GNAO1: variants seen among roughly 807,000 people sequenced by gnomAD.
GNAO1 encodes the protein G protein subunit alpha o1.
For synonymous variants in GNAO1, 164 were observed against 180.7 expected (o/e 0.91, Z 0.74); for missense variants, 166 against 478.7 (o/e 0.35, Z 6.10).
rs543351799 is a variant in GNAO1 at position 56,225,221 on chromosome 16, T to A, written c.161+32605T>A. Among the ~76,000 whole-genome samples, 3 of 152,354 alleles carry A rather than the reference T, an allele frequency of 2.0e-5. No individual in the cohort carries two copies. The East Asian group carries it at 5.8e-4, about 29-fold the overall frequency. ...CGTTGTCTGTTTGTTTGAGGAGGAT[T>A]GAGCAAAATCTGGATTGGTTTTCCT... On this transcript the variant is annotated intron_variant, in intron 2 of 8. Transcript: ENST00000262493.
At chr16:56,304,104 T>A (rs1389293940) in intron 3 of GNAO1, among the ~76,000 whole-genome samples, 1 of 152,186 alleles carries the variant, frequency 6.6e-6, no homozygotes, top group Non-Finnish European at 1.5e-5. Context: ...AGAGGGCGCC[T>A]GGTATAGGAG....
At chr16:56,312,201 G>A (rs527609425) in intron 3 of GNAO1, among the ~76,000 whole-genome samples, 7 of 152,342 alleles carry the variant, frequency 4.6e-5, no homozygotes, top group Non-Finnish European at 8.8e-5. Context: ...TGTGGGCTCC[G>A]GAGTCAGGCG....
intron 2 of GNAO1, among the ~76,000 whole-genome samples, chr16:56,236,870 T>G (rs1310062463): frequency 6.6e-6 from 1 of 152,222 alleles, no homozygotes; most frequent in Non-Finnish European, 1.5e-5. Context: ...TTAGAAGTGC[T>G]TTAGCCAAGG....
In GNAO1 at chr16:56,354,927, C is replaced by T. The variant is rs2037954101; in HGVS notation, c.939C>T (p.Arg313=). ...YIQAQFESKN[R]SPNKEIYCHM... ...AAGCACAATTTGAAAGCAAAAACCG[C>T]TCACCCAACAAAGAAATATATTGTC... Residue 313 remains arginine, a synonymous_variant, in exon 8 of 9, where the codon CGC becomes CGT. Transcript: ENST00000262493. This position sits in a 1 kb window ranked among gnomAD's most constrained non-coding sequence, Gnocchi z 4.3. 9.3e-6 allele frequency: 15 copies of T among 1,613,292 alleles called. No individual in the cohort carries two copies. Among genetic ancestry groups the T allele is most frequent in the South Asian group, 1.1e-5 (1 of 91,090 alleles).
intron 3 of GNAO1, chr16:56,302,876 G>T (rs1283259416): frequency 6.6e-6 from 1 of 152,222 alleles, no homozygotes; most frequent in African/African-American, 2.4e-5. Context: ...ATTAAAAACA[G>T]CTGCTTTATA....
At chr16:56,253,068 C>A (rs2036814483) in intron 2 of GNAO1, among the ~76,000 whole-genome samples, 1 of 152,198 alleles carries the variant, frequency 6.6e-6, no homozygotes, top group Non-Finnish European at 1.5e-5. Context: ...GACTAGATAG[C>A]AGCAGCGGCA....
chr16:56,214,112 A>G (rs2036417838), intron 2 of GNAO1, among the ~76,000 whole-genome samples: 2 of 152,158 alleles, frequency 1.3e-5, no homozygotes, highest in Non-Finnish European at 2.9e-5. Flanking sequence ...GAAGAATTCT[A>G]GGAAGACTCA....
chr16:56,192,983 T>C, intron 2 of GNAO1: 1 of 209,440 alleles, frequency 4.8e-6, no homozygotes, highest in Non-Finnish European at 9.8e-6. Context: ...TGTCTCTGTT[T>C]CATTCTGTCT....
At chr16:56,285,952 G>A (rs1029667532) in intron 3 of GNAO1, among the ~76,000 whole-genome samples, 1 of 152,170 alleles carries the variant, frequency 6.6e-6, no homozygotes, top group African/African-American at 2.4e-5. Flanking sequence ...CAGATATACC[G>A]TGGAGTAGCC....
chr16:56,272,330 T>C (rs2037026191), intron 2 of GNAO1, among the ~76,000 whole-genome samples: 1 of 152,184 alleles, frequency 6.6e-6, no homozygotes, highest in South Asian at 2.1e-4. Context: ...AAAGGATATT[T>C]CTTGTTGTTC....
chr16:56,254,332 T>C (rs1208524802), intron 2 of GNAO1, among the ~76,000 whole-genome samples: 1 of 152,198 alleles, frequency 6.6e-6, no homozygotes, highest in Non-Finnish European at 1.5e-5. Context: ...TAATGGATGC[T>C]TCATATATTT....
rs34097380 is a variant in GNAO1 at position 56,357,056 on chromosome 16, GA to G, written c.*992del. ...AAAAATTTTTAAATACCACAAGATG[GA>G]AAAAAAAAACAAAAAAATTTAAAAA... On this transcript the variant is annotated 3_prime_UTR_variant, in exon 9 of 9. Transcript: ENST00000262493. The G allele has an allele frequency of 0.16, 23,432 of 144,224 alleles. 1,938 individuals carry two copies. The highest frequency in any genetic ancestry group is 0.25 in the East Asian group (1,234 of 4,992). 8.9% of individuals were successfully genotyped at this position (144,224 alleles called of 1,614,324 possible).
At chr16:56,253,684 C>T (rs776446860) in intron 2 of GNAO1, among the ~76,000 whole-genome samples, 3 of 152,202 alleles carry the variant, frequency 2.0e-5, no homozygotes, top group Non-Finnish European at 4.4e-5. Flanking sequence ...CAAGTTCAGT[C>T]CCTGTGGGAG....
intron 2 of GNAO1, among the ~76,000 whole-genome samples, chr16:56,256,785 C>A (rs2036854698): frequency 6.6e-6 from 1 of 150,658 alleles, no homozygotes; most frequent in Admixed American, 6.6e-5. Context: ...GATAGGCTAT[C>A]CCTATGGCTG....
Position 56,356,195 on chromosome 16 carries a change from CCT to C in GNAO1, c.*122_*123del, listed in dbSNP as rs1283794010. 2 of 152,644 alleles carry C rather than the reference CCT, an allele frequency of 1.3e-5. No homozygotes were observed. Among genetic ancestry groups the C allele is most frequent in the Non-Finnish European group, 2.9e-5 (2 of 68,058 alleles). 9.5% of individuals were successfully genotyped at this position (152,644 alleles called of 1,614,324 possible). A position where few individuals can be genotyped will look rare whatever the true frequency, so the allele number is the denominator to read the frequency against. On this transcript the variant is annotated 3_prime_UTR_variant, in exon 9 of 9. Coordinates refer to ENST00000262493, the MANE Select transcript of GNAO1 (RefSeq NM_020988.3). ...ACACACAGCCTTTCTGTATCAAGCC[CCT>C]GTCTAACCTACGACCCCAGAGTGAC...
In GNAO1 at chr16:56,356,613, C is replaced by G. The variant is rs2037970649; in HGVS notation, c.*539C>G. ...ACCTGGCGGCCCTAAGCCACTCCCG[C>G]CACACGCTCACTCCAGGTTCGTATA... is the stretch of plus-strand genomic sequence containing the variant. On this transcript the variant is annotated 3_prime_UTR_variant, in exon 9 of 9. Transcript: ENST00000262493. The G allele has an allele frequency of 6.5e-6, 1 of 152,924 alleles. No homozygotes were observed. The highest frequency in any genetic ancestry group is 2.1e-4 in the South Asian group (1 of 4,836). 9.5% of individuals were successfully genotyped at this position (152,924 alleles called of 1,614,324 possible).
chr16:56,343,703 C>A, intron 6 of GNAO1: 1 of 1,397,456 alleles, frequency 7.2e-7, no homozygotes, highest in Non-Finnish European at 9.8e-7. Flanking sequence ...CTGGGGTCGT[C>A]CATGCCAAGC....
At chr16:56,255,564 C>G (rs2036838995) in intron 2 of GNAO1, 1 of 152,080 alleles carries the variant, frequency 6.6e-6, no homozygotes, top group South Asian at 2.1e-4. Context: ...ATTTTGTGTT[C>G]ATCTTGAAGT....
chr16:56,238,542 C>T (rs1211423530), intron 2 of GNAO1, among the ~76,000 whole-genome samples: 2 of 152,240 alleles, frequency 1.3e-5, no homozygotes, highest in East Asian at 1.9e-4. Flanking sequence ...GGCCATCCCA[C>T]TGCTGCAAGA....
Sources: allele counts gnomAD v4.1 joint callset (sites outside exome capture counted in the v4.1 genomes callset), GRCh38; gene constraint gnomAD v4.1.1; non-coding constraint Gnocchi (gnomAD v3.1); transcripts MANE v1.5; gene names NCBI Gene and HGNC (gene_info 2026-07-23, HGNC 2026-07-21).